DNAH11: variants seen among roughly 807,000 people sequenced by gnomAD.
DNAH11 encodes the protein axonemal beta dynein heavy chain 11.
Under a neutral mutation model 526.0 loss-of-function variants are expected in DNAH11, and 442 were observed. That is an observed-to-expected ratio of 0.84 (90% CI 0.78 to 0.91). DNAH11 has a LOEUF of 0.91. DNAH11 is among the 40% of genes least tolerant of loss of function. The pLI is 0.00. For synonymous variants in DNAH11, 2,461 were observed against 1,935.9 expected, an observed-to-expected ratio of 1.27 and a Z score of -7.12; for missense variants, 6,989 against 5,448.7, an observed-to-expected ratio of 1.28 and a Z score of -8.90.
At chr7:21,891,760 A>G (rs1784334339) in intron 76 of DNAH11, among the ~76,000 whole-genome samples, 3 of 152,148 alleles carry the variant, frequency 2.0e-5, no homozygotes, top group East Asian at 1.9e-4. Flanking sequence ...TGTGGATCCT[A>G]AACAACAGAC....
chr7:21,900,023 T>A lies in DNAH11; in HGVS notation c.13206T>A (p.Asp4402Glu), dbSNP rs1420692526. ...CTCGAAAAAATGAGTGGCCCCTGGA[T>A]AAAACGCGCTTGACTGCTGATGTTA... ...TMARKNEWPL[D>E]KTRLTADVTK... The change falls in exon 81 of 82, where the codon GAT (aspartate) becomes GAA (glutamate). Residue 4402 changes from aspartate to glutamate, a missense_variant. Coordinates refer to ENST00000409508, the MANE Select transcript of DNAH11 (RefSeq NM_001277115.2). 6.2e-7 allele frequency: 1 copy of A among 1,613,886 alleles called. No homozygotes were observed. The highest frequency in any genetic ancestry group is 1.1e-5 in the South Asian group (1 of 91,068).
intron 74 of DNAH11, among the ~76,000 whole-genome samples, chr7:21,878,795 C>G (rs1783806941): frequency 6.6e-6 from 1 of 152,144 alleles, no homozygotes; most frequent in African/African-American, 2.4e-5. Context: ...TTTAGTATCA[C>G]AAGTCCTCTG....
intron 28 of DNAH11, among the ~76,000 whole-genome samples, chr7:21,650,104 A>C (rs1050147681): frequency 2.6e-5 from 4 of 152,298 alleles, no homozygotes; most frequent in East Asian, 1.9e-4. Flanking sequence ...TTTAAAAAAA[A>C]CCCAGCATTT....
chr7:21,645,370 T>C (rs1435224078), intron 28 of DNAH11, among the ~76,000 whole-genome samples: 2 of 152,174 alleles, frequency 1.3e-5, no homozygotes, highest in Non-Finnish European at 2.9e-5. Flanking sequence ...ACTGAATCTG[T>C]TTAAATGCAC....
intron 2 of DNAH11, among the ~76,000 whole-genome samples, chr7:21,551,565 C>A (rs560588482): frequency 2.0e-5 from 3 of 152,252 alleles, no homozygotes; most frequent in African/African-American, 7.2e-5. Context: ...CTGGTTAAGA[C>A]CATATAATTC....
intron 5 of DNAH11, 134 bp from the exon 6 acceptor site, chr7:21,564,052 A>T (rs1288070982): frequency 1.7e-6 from 1 of 582,394 alleles, no homozygotes. Context: ...TAGGATAAGT[A>T]ATATAAAAGG....
At chr7:21,664,244 A>G (rs1262931695) in intron 30 of DNAH11, among the ~76,000 whole-genome samples, 1 of 144,462 alleles carries the variant, frequency 6.9e-6, no homozygotes, top group African/African-American at 2.6e-5. Flanking sequence ...TAATAGTTTT[A>G]CTTGGATTGT....
chr7:21,623,715 A>C (rs1786191943), intron 25 of DNAH11, among the ~76,000 whole-genome samples: 1 of 152,002 alleles, frequency 6.6e-6, no homozygotes, highest in South Asian at 2.1e-4. Context: ...TATCACAAGA[A>C]GAAAAAACCA....
chr7:21,583,787 C>G (rs1398237938), intron 9 of DNAH11, among the ~76,000 whole-genome samples: 1 of 152,198 alleles, frequency 6.6e-6, no homozygotes, highest in African/African-American at 2.4e-5. Flanking sequence ...ACAGACACTT[C>G]TCAAAAAGAG....
In DNAH11 at chr7:21,667,396, TGTA is replaced by T. The variant is rs1333579597; in HGVS notation, c.5328+8368_5328+8370del. Among the ~76,000 whole-genome samples, 12 of 152,246 alleles carry T rather than the reference TGTA, an allele frequency of 7.9e-5. No individual in the cohort carries two copies. In the East Asian group the frequency reaches 1.9e-3, roughly 24 times the overall value. ...CTCTTCTGCATGCACGCATCTCTAT[TGTA>T]GTGGTTGCAAAGAAGCAATTCATAA... On this transcript the variant is annotated intron_variant, in intron 30 of 81. Coordinates refer to ENST00000409508, the MANE Select transcript of DNAH11 (RefSeq NM_001277115.2).
intron 46 of DNAH11, among the ~76,000 whole-genome samples, chr7:21,737,344 AGT>A (rs1415585638): frequency 2.6e-5 from 4 of 152,222 alleles, no homozygotes; most frequent in African/African-American, 9.6e-5. Context: ...AAAAGACCAA[AGT>A]GTTTTCTGGA....
chr7:21,673,028 C>T (rs990653870), intron 30 of DNAH11, among the ~76,000 whole-genome samples: 1 of 152,102 alleles, frequency 6.6e-6, no homozygotes, highest in African/African-American at 2.4e-5. Context: ...TGTGTCTTTT[C>T]CTTTTTCTTT....
chr7:21,745,437 C>G (rs1334577050), intron 51 of DNAH11, among the ~76,000 whole-genome samples: 1 of 152,122 alleles, frequency 6.6e-6, no homozygotes, highest in Non-Finnish European at 1.5e-5. Context: ...TGTGCAAATT[C>G]TTTAAAATGG....
At chr7:21,720,590 C>T (rs991972704) in intron 43 of DNAH11, 135 bp from the exon 44 acceptor site, 17 of 977,438 alleles carry the variant, frequency 1.7e-5, no homozygotes, top group East Asian at 3.2e-5. Context: ...TAATTTTTGT[C>T]TCTCCCAATG....
intron 2 of DNAH11, among the ~76,000 whole-genome samples, chr7:21,557,552 A>G (rs1783269395): frequency 6.6e-6 from 1 of 152,112 alleles, no homozygotes; most frequent in Non-Finnish European, 1.5e-5. Context: ...CACTAATCCC[A>G]TTCATGAGGA....
chr7:21,828,330 A>C (rs1790395248), intron 65 of DNAH11, among the ~76,000 whole-genome samples: 1 of 152,190 alleles, frequency 6.6e-6, no homozygotes, highest in Non-Finnish European at 1.5e-5. Context: ...ATTTATTTTC[A>C]AGTTCATTCA....
At chr7:21,866,705 T>C (rs779046156) in intron 71 of DNAH11, 42 bp downstream of exon 71, 3 of 1,559,302 alleles carry the variant, frequency 1.9e-6, no homozygotes, top group East Asian at 2.2e-5. Flanking sequence ...TTAGTTAACA[T>C]AGAGGAAATG....
chr7:21,812,645 C>T (rs758533886), intron 63 of DNAH11, among the ~76,000 whole-genome samples: 1 of 151,826 alleles, frequency 6.6e-6, no homozygotes, highest in Non-Finnish European at 1.5e-5. Context: ...CAGAGTGAGA[C>T]CTTATTTCAA....
At chr7:21,582,240 C>T (rs185701728) in intron 9 of DNAH11, among the ~76,000 whole-genome samples, 19 of 152,230 alleles carry the variant, frequency 1.2e-4, no homozygotes, top group Non-Finnish European at 2.5e-4. Flanking sequence ...CTGTTCTGTT[C>T]TTGCATTCAC....
Sources: allele counts gnomAD v4.1 joint callset (sites outside exome capture counted in the v4.1 genomes callset), GRCh38; gene constraint gnomAD v4.1.1; transcripts MANE v1.5; gene names NCBI Gene and HGNC (gene_info 2026-07-23, HGNC 2026-07-21).